The following ANK3 variants were observed in gnomAD, a reference collection of about 807,000 sequenced individuals.
The protein encoded by ANK3 is ankyrin 3.
ANK3 carries 57 observed loss-of-function variants against 370.9 expected under a neutral mutation model. The observed-to-expected ratio is 0.15, with a 90% CI of 0.12 to 0.19. The LOEUF (loss-of-function observed/expected upper bound fraction) is 0.19, where lower values mean the gene tolerates loss of function less well. Ranked by LOEUF, ANK3 falls within the 10% of genes least tolerant of loss-of-function variation. The probability of loss-of-function intolerance (pLI) is 1.00; values close to 1 mark genes in which losing one functional copy is unlikely to be tolerated. For synonymous variants in ANK3, 1,929 were observed against 1,946.3 expected, an observed-to-expected ratio of 0.99 and a Z score of 0.23; for missense variants, 4,439 against 5,302.1, an observed-to-expected ratio of 0.84 and a Z score of 5.06.
At chr10:60,350,901 CTG>C (rs1317606646) in intron 1 of ANK3, among the ~76,000 whole-genome samples, 1 of 152,008 alleles carries the variant, frequency 6.6e-6, no homozygotes, top group Non-Finnish European at 1.5e-5. Flanking sequence ...ACTGACCTGG[CTG>C]TGTTCCAGGA....
At position 60,073,336 on chromosome 10, in the gene ANK3, G is replaced by C; in HGVS notation, c.7545C>G (p.Leu2515=). ...KIATAPKKEI[L]SKIYKDVSEN... ...CAGAAACATCTTTATAGATTTTGGA[G>C]AGAATTTCTTTTTTGGGGGCAGTGG... The change falls in exon 37 of 44, where the codon CTC becomes CTG. Residue 2515 remains leucine, a synonymous_variant. Transcript: ENST00000280772. 1 of 1,613,996 alleles carries C rather than the reference G, an allele frequency of 6.2e-7. No homozygotes were observed. The highest frequency in any genetic ancestry group is 8.5e-7 in the Non-Finnish European group (1 of 1,180,014).
chr10:60,197,848 C>T (rs1285256633), intron 14 of ANK3, among the ~76,000 whole-genome samples: 1 of 152,100 alleles, frequency 6.6e-6, no homozygotes, highest in Non-Finnish European at 1.5e-5. Context: ...TACTCTAAGG[C>T]ATCAGAGTTG....
intron 42 of ANK3, among the ~76,000 whole-genome samples, chr10:60,052,128 A>C (rs2131898981): frequency 6.6e-6 from 1 of 152,330 alleles, no homozygotes; most frequent in South Asian, 2.1e-4. Context: ...TGGGAGGCCA[A>C]GGCGGGTGGA....
chr10:60,300,042 T>C (rs1304885931), intron 1 of ANK3, among the ~76,000 whole-genome samples: 2 of 152,190 alleles, frequency 1.3e-5, no homozygotes, highest in Admixed American at 1.3e-4. Context: ...TCGCCCCCTG[T>C]CTTTTTGTAT....
chr10:60,032,956 G>A (rs1414845558), intron 43 of ANK3, among the ~76,000 whole-genome samples: 1 of 152,184 alleles, frequency 6.6e-6, no homozygotes, highest in Non-Finnish European at 1.5e-5. Flanking sequence ...TATAAACTGT[G>A]ATGACAGCGC....
chr10:60,459,105 T>C (rs2064821647), intron 2 of ANK3, among the ~76,000 whole-genome samples: 2 of 152,120 alleles, frequency 1.3e-5, no homozygotes, highest in South Asian at 4.1e-4. Flanking sequence ...TACTCAACTG[T>C]GTCTTGACAG....
intron 2 of ANK3, among the ~76,000 whole-genome samples, chr10:60,575,548 T>C (rs1409670318): frequency 1.3e-5 from 2 of 152,190 alleles, no homozygotes; most frequent in East Asian, 3.8e-4. Context: ...AAATGTATCA[T>C]TTAAAGTTAT....
chr10:60,580,080 G>GT (rs1484653293), intron 2 of ANK3, among the ~76,000 whole-genome samples: 3 of 152,092 alleles, frequency 2.0e-5, no homozygotes, highest in Non-Finnish European at 2.9e-5. Flanking sequence ...ATTATGCTGT[G>GT]TTTTAATTTG....
At position 60,471,548 on chromosome 10, in the gene ANK3, A is replaced by T. The variant is rs558900747; in HGVS notation, c.96+143638T>A. Among the ~76,000 whole-genome samples the T allele has an allele frequency of 4.3e-4, 66 of 152,128 alleles. 1 individual carries two copies. Among genetic ancestry groups the T allele is most frequent in the Non-Finnish European group, 1.2e-4 (8 of 68,014 alleles). ...ATAGGAAGACAAAGCTGCAATGATG[A>T]TTCTTATACATTATCATGAGGGCTT... is the stretch of plus-strand genomic sequence containing the variant. On this transcript the variant is annotated intron_variant, in intron 2 of 43. Coordinates refer to the ANK3 transcript ENST00000373827.
chr10:60,352,083 G>A (rs964769206), intron 1 of ANK3, among the ~76,000 whole-genome samples: 2 of 152,202 alleles, frequency 1.3e-5, no homozygotes, highest in African/African-American at 2.4e-5. Context: ...GACACCTGAA[G>A]TTGGGAGTTC....
chr10:60,611,323 C>A (rs2078198670), intron 2 of ANK3, among the ~76,000 whole-genome samples: 1 of 152,156 alleles, frequency 6.6e-6, no homozygotes, highest in African/African-American at 2.4e-5. Flanking sequence ...TGGCCGCCCG[C>A]TGGCTCAGTT....
At chr10:60,191,009 T>C (rs1223291293) in intron 16 of ANK3, among the ~76,000 whole-genome samples, 4 of 152,140 alleles carry the variant, frequency 2.6e-5, no homozygotes, top group African/African-American at 9.7e-5. Flanking sequence ...CAATAAATGG[T>C]GCTAGGAAAA....
At chr10:60,378,596 AAGG>A (rs1448667899) in intron 1 of ANK3, among the ~76,000 whole-genome samples, 2 of 152,156 alleles carry the variant, frequency 1.3e-5, no homozygotes, top group Non-Finnish European at 2.9e-5. Flanking sequence ...TCATTGGGGA[AAGG>A]AGAATTCCTT....
intron 2 of ANK3, among the ~76,000 whole-genome samples, chr10:60,548,470 G>A (rs1288706449): frequency 4.6e-5 from 7 of 151,578 alleles, no homozygotes; most frequent in African/African-American, 1.5e-4. Context: ...GGCTGGTCTC[G>A]AACTCCTGAC....
At chr10:60,110,337 G>T (rs1463146375) in intron 26 of ANK3, among the ~76,000 whole-genome samples, 2 of 152,086 alleles carry the variant, frequency 1.3e-5, no homozygotes, top group Non-Finnish European at 2.9e-5. Flanking sequence ...CAGCCTATCA[G>T]ATTCCTAGAA....
At chr10:60,210,554 A>C (rs1011836509) in intron 9 of ANK3, among the ~76,000 whole-genome samples, 2 of 152,186 alleles carry the variant, frequency 1.3e-5, no homozygotes, top group African/African-American at 4.8e-5. Flanking sequence ...TCTGTTAAGA[A>C]GTCTATCCTC....
intron 4 of ANK3, among the ~76,000 whole-genome samples, chr10:60,273,278 A>C (rs2098029388): frequency 6.6e-6 from 1 of 152,048 alleles, no homozygotes; most frequent in African/African-American, 2.4e-5. Context: ...TATTACCTGA[A>C]AGTTGGTCAT....
intron 12 of ANK3, among the ~76,000 whole-genome samples, chr10:60,201,661 T>G (rs1342610090): frequency 6.6e-6 from 1 of 151,620 alleles, no homozygotes. Flanking sequence ...TATAACATGG[T>G]GAAGCACATT....
intron 31 of ANK3, 110 bp downstream of exon 31, chr10:60,085,046 AT>A: frequency 4.3e-6 from 4 of 922,798 alleles, no homozygotes; most frequent in Non-Finnish European, 6.4e-6. Flanking sequence ...AATACTACGG[AT>A]TTTTTTTCTC....
Sources: gnomAD v4.1 joint callset for allele counts (sites outside exome capture counted in the v4.1 genomes callset) on GRCh38, gnomAD v4.1.1 for gene constraint, MANE v1.5 for transcripts, NCBI Gene and HGNC (gene_info 2026-07-23, HGNC 2026-07-21) for gene names.